AKAIN1: variants seen among roughly 807,000 people sequenced by gnomAD.
AKAIN1 encodes A-kinase anchor inhibitor 1, also known as A-kinase anchor protein inhibitor 1.
Under a neutral mutation model 3.7 loss-of-function variants are expected in AKAIN1, and 3 were observed. The ratio of observed to expected loss-of-function variants is 0.82; its 90% confidence interval spans 0.37 to 2.12. The LOEUF (loss-of-function observed/expected upper bound fraction) is 2.12. Among genes scored for constraint, AKAIN1 ranks in the 30% most tolerant of loss-of-function variants. The pLI is 0.06. For missense variants in AKAIN1, 82 were observed against 82.7 expected, an observed-to-expected ratio of 0.99 and a Z score of 0.03; for synonymous variants, 31 against 30.8, an observed-to-expected ratio of 1.01 and a Z score of -0.02.
At chr18:5,151,924 T>C (rs1238355835) in intron 1 of AKAIN1, among the ~76,000 whole-genome samples, 1 of 152,222 alleles carries the variant, frequency 6.6e-6, no homozygotes, top group African/African-American at 2.4e-5. Flanking sequence ...AACACTAGGC[T>C]AGGTATTGTA....
At chr18:5,147,570 G>C (rs1427250450) in intron 1 of AKAIN1, among the ~76,000 whole-genome samples, 1 of 152,084 alleles carries the variant, frequency 6.6e-6, no homozygotes, top group Non-Finnish European at 1.5e-5. Context: ...ACGTTCACTG[G>C]GGTTGATTAA....
chr18:5,173,340 T>C (rs1287668026), intron 1 of AKAIN1, among the ~76,000 whole-genome samples: 1 of 152,194 alleles, frequency 6.6e-6, no homozygotes, highest in Non-Finnish European at 1.5e-5. Flanking sequence ...TTCCAAATCA[T>C]TGATTCAAGA....
At chr18:5,182,349 A>G (rs1246878727) in intron 1 of AKAIN1, among the ~76,000 whole-genome samples, 1 of 151,888 alleles carries the variant, frequency 6.6e-6, no homozygotes, top group Non-Finnish European at 1.5e-5. Context: ...TCTTTAAAAC[A>G]ACAATAACAT....
intron 1 of AKAIN1, among the ~76,000 whole-genome samples, chr18:5,188,219 G>T (rs1255700299): frequency 6.6e-6 from 1 of 151,970 alleles, no homozygotes; most frequent in Admixed American, 6.6e-5. Flanking sequence ...GCTCTCTTGG[G>T]TTGAAGTCTT....
At chr18:5,162,230 G>A (rs1167030497) in intron 1 of AKAIN1, among the ~76,000 whole-genome samples, 1 of 152,098 alleles carries the variant, frequency 6.6e-6, no homozygotes, top group Non-Finnish European at 1.5e-5. Flanking sequence ...GGAAGCCAGA[G>A]CTAGGAAAGG....
At chr18:5,187,148 A>G (rs1334837646) in intron 1 of AKAIN1, among the ~76,000 whole-genome samples, 1 of 152,206 alleles carries the variant, frequency 6.6e-6, no homozygotes, top group Non-Finnish European at 1.5e-5. Flanking sequence ...AGAGCAAAAC[A>G]AAGTCAAAGC....
chr18:5,196,006 A>G (rs1255364551), intron 1 of AKAIN1, among the ~76,000 whole-genome samples: 1 of 151,836 alleles, frequency 6.6e-6, no homozygotes, highest in Non-Finnish European at 1.5e-5. Context: ...TTTTTGAAGA[A>G]AAGACTCAAT....
intron 1 of AKAIN1, among the ~76,000 whole-genome samples, chr18:5,183,688 TAA>T (rs1310987388): frequency 6.6e-6 from 1 of 152,134 alleles, no homozygotes; most frequent in African/African-American, 2.4e-5. Context: ...TTATTTTCTA[TAA>T]AGTTACTGCA....
At chr18:5,146,886 C>T (rs1342322479) in intron 1 of AKAIN1, among the ~76,000 whole-genome samples, 2 of 152,176 alleles carry the variant, frequency 1.3e-5, no homozygotes, top group Admixed American at 6.5e-5. Flanking sequence ...TTTGTCAACC[C>T]CCAATCTGGA....
At chr18:5,168,414 G>T (rs1250547698) in intron 1 of AKAIN1, among the ~76,000 whole-genome samples, 1 of 152,078 alleles carries the variant, frequency 6.6e-6, no homozygotes. Flanking sequence ...CCACTGTATT[G>T]TAGAAGAGGA....
chr18:5,196,527 A>C (rs1598319592), intron 1 of AKAIN1, among the ~76,000 whole-genome samples: 2 of 152,166 alleles, frequency 1.3e-5, no homozygotes, highest in Admixed American at 6.5e-5. Context: ...ATTCCTTAAG[A>C]AGTATCGCTC....
intron 1 of AKAIN1, among the ~76,000 whole-genome samples, chr18:5,187,661 C>T (rs1475569229): frequency 2.0e-5 from 3 of 152,166 alleles, no homozygotes; most frequent in African/African-American, 4.8e-5. Flanking sequence ...AAGGTCCCCC[C>T]TCTTAATGTG....
intron 1 of AKAIN1, among the ~76,000 whole-genome samples, chr18:5,168,104 C>T (rs1180785286): frequency 6.6e-6 from 1 of 151,986 alleles, no homozygotes; most frequent in African/African-American, 2.4e-5. Flanking sequence ...GAATTTTGCT[C>T]CTTTTGTTGA....
chr18:5,196,980 C>T (rs913553449), intron 1 of AKAIN1, 58 bp downstream of exon 1: 1 of 1,448,272 alleles, frequency 6.9e-7, no homozygotes, highest in East Asian at 2.5e-5. Flanking sequence ...CCTCTCCTCT[C>T]CGTCCTCTAC....
At chr18:5,168,874 A>C (rs889492624) in intron 1 of AKAIN1, among the ~76,000 whole-genome samples, 9 of 148,668 alleles carry the variant, frequency 6.1e-5, no homozygotes, top group African/African-American at 2.3e-4. Context: ...TAAAAAAAAA[A>C]AAAAAGCAAA....
rs2143296379 is a variant in AKAIN1, at chr18:5,143,137, T to C, written c.*2425A>G. Among the ~76,000 whole-genome samples, 1 of 152,352 alleles carries C rather than the reference T, an allele frequency of 6.6e-6. No individual in the cohort carries two copies. The highest frequency in any genetic ancestry group is 1.9e-4 in the East Asian group (1 of 5,186). On this transcript the variant is annotated 3_prime_UTR_variant, in exon 2 of 2. Coordinates refer to ENST00000434239, the MANE Select transcript of AKAIN1 (RefSeq NM_001145194.2). ...CTAAAAGCTGTGATCTGGTTTATGA[T>C]GATAATCAAGTGGAAATCCACCTTA...
chr18:5,153,070 G>A (rs529618113), intron 1 of AKAIN1, among the ~76,000 whole-genome samples: 20 of 152,360 alleles, frequency 1.3e-4, no homozygotes, highest in African/African-American at 4.8e-4. Flanking sequence ...GGAAAAGGAA[G>A]TGAATTCTTG....
intron 1 of AKAIN1, among the ~76,000 whole-genome samples, chr18:5,176,456 AC>A (rs60070361): frequency 5.9e-5 from 9 of 151,716 alleles, no homozygotes; most frequent in East Asian, 1.9e-4. Flanking sequence ...AAACAAACAA[AC>A]AAAAAAAACA....
intron 1 of AKAIN1, among the ~76,000 whole-genome samples, chr18:5,161,834 A>G (rs1023006533): frequency 6.6e-6 from 1 of 152,086 alleles, no homozygotes; most frequent in African/African-American, 2.4e-5. Context: ...ACACTGGCCA[A>G]TTTTCTAATG....
Sources: gnomAD v4.1 joint callset for allele counts (sites outside exome capture counted in the v4.1 genomes callset) on GRCh38, gnomAD v4.1.1 for gene constraint, MANE v1.5 for transcripts, NCBI Gene and HGNC (gene_info 2026-07-23, HGNC 2026-07-21) for gene names.